OPA1: variants seen among roughly 807,000 people sequenced by gnomAD.
OPA1 encodes the protein dynamin-like GTPase OPA1, mitochondrial.
A neutral mutation model predicts 152.9 loss-of-function variants in OPA1; 59 were observed. The observed-to-expected ratio is 0.39, with a 90% CI of 0.31 to 0.48. OPA1 has a LOEUF of 0.48. Ranked by LOEUF, OPA1 falls within the 20% of genes least tolerant of loss-of-function variation. The pLI is 0.96. For missense variants in OPA1, 1,008 were observed against 1,216.8 expected (o/e 0.83, Z 2.55); for synonymous variants, 400 against 389.9 (o/e 1.03, Z -0.31).
chr3:193,602,164 A>G (rs1560309318), intron 1 of OPA1, among the ~76,000 whole-genome samples: 1 of 152,144 alleles, frequency 6.6e-6, no homozygotes, highest in Non-Finnish European at 1.5e-5. Flanking sequence ...CTGGGAAGAG[A>G]TTTCCCTGGT....
At chr3:193,628,248 G>T (rs1731486743) in intron 7 of OPA1, among the ~76,000 whole-genome samples, 1 of 151,858 alleles carries the variant, frequency 6.6e-6, no homozygotes, top group African/African-American at 2.4e-5. Context: ...CATTTTTGAT[G>T]TCTTATTAGT....
At chr3:193,613,367 A>T (rs1728541170) in intron 1 of OPA1, among the ~76,000 whole-genome samples, 1 of 152,194 alleles carries the variant, frequency 6.6e-6, no homozygotes, top group Non-Finnish European at 1.5e-5. Flanking sequence ...TTAAAAAAAA[A>T]ATTTGTAAAA....
intron 28 of OPA1, 25 bp from the exon 29 acceptor site, chr3:193,667,145 A>AG (rs1560046842): frequency 2.8e-6 from 3 of 1,068,358 alleles, no homozygotes; most frequent in Non-Finnish European, 2.9e-6. Flanking sequence ...GATGCTCCTC[A>AG]GGTTTTTTAA....
chr3:193,617,112 C>G, intron 3 of OPA1, 66 bp from the exon 4 acceptor site: 1 of 982,616 alleles, frequency 1.0e-6, no homozygotes. Context: ...TACTTTAGCC[C>G]TTTATAAGAA....
At chr3:193,607,857 G>A in intron 1 of OPA1, among the ~76,000 whole-genome samples, 1 of 152,140 alleles carries the variant, frequency 6.6e-6, no homozygotes, top group East Asian at 1.9e-4. Flanking sequence ...TGGGCAGTAT[G>A]GCCATTTTCA....
rs1732782708 is a variant in OPA1 at position 193,635,435 on chromosome 3, C to G, written c.861C>G (p.Ile287Met). 2 of 1,600,006 alleles carry G rather than the reference C, an allele frequency of 1.3e-6. No individual in the cohort carries two copies. Among genetic ancestry groups the G allele is most frequent in the African/African-American group, 2.7e-5 (2 of 74,626 alleles). Residue 287 changes from isoleucine to methionine, a missense_variant, in exon 9 of 31, where the codon ATC (isoleucine) becomes ATG (methionine). Physicochemically the swap from Ile to Met is conservative, Grantham distance 10 (BLOSUM62 1). Coordinates refer to ENST00000361510, the MANE Select transcript of OPA1 (RefSeq NM_130837.3). ...LLHTQLKYQR[I>M]LERLEKENKE... ...TATTGCAGTTGAAGTATCAGAGAAT[C>G]TTGGAACGATTAGAAAAGGAGAACA... is the stretch of plus-strand genomic sequence containing the variant.
rs1006901188 is a variant in OPA1, at chr3:193,645,426, T to C, written c.1609-127T>C. ...AATAGCAATGGAAAAACATTTTAAA[T>C]GCTTTTGTGCAGATTTATTTAACTA... On this transcript the variant is annotated intron_variant, in intron 16 of 30. Coordinates refer to ENST00000361510, the MANE Select transcript of OPA1 (RefSeq NM_130837.3). The C allele has an allele frequency of 1.5e-5, 10 of 653,804 alleles. No homozygotes were observed. In the South Asian group the frequency reaches 2.0e-4, roughly 13 times the overall value. The allele number at this position is 653,804 out of a possible 1,614,324, so 40.5% of individuals were successfully genotyped here. A position where few individuals can be genotyped will look rare whatever the true frequency, so the allele number is the denominator to read the frequency against.
chr3:193,658,151 A>G (rs1328395554), intron 23 of OPA1, among the ~76,000 whole-genome samples: 2 of 151,808 alleles, frequency 1.3e-5, no homozygotes, highest in Non-Finnish European at 2.9e-5. Context: ...AGGCTGAGGC[A>G]GGAGAATTGC....
At chr3:193,602,105 T>TG (rs1726553630) in intron 1 of OPA1, among the ~76,000 whole-genome samples, 1 of 152,210 alleles carries the variant, frequency 6.6e-6, no homozygotes, top group Non-Finnish European at 1.5e-5. Context: ...AGAGAAGTCT[T>TG]GATCTGTGAT....
intron 22 of OPA1, 145 bp from the exon 23 acceptor site, chr3:193,656,935 C>T: frequency 1.4e-6 from 1 of 722,324 alleles, no homozygotes; most frequent in Non-Finnish European, 2.2e-6. Context: ...TTATATTTGC[C>T]TTTTTGTTAA....
Position 193,696,533 on chromosome 3 carries a change from G to T in OPA1, c.*1933G>T, listed in dbSNP as rs1490660086. The T allele has an allele frequency of 6.6e-6, 1 of 151,734 alleles. No individual in the cohort carries two copies. Among genetic ancestry groups the T allele is most frequent in the African/African-American group, 2.4e-5 (1 of 41,282 alleles). The allele number at this position is 151,734 out of a possible 1,614,324, so 9.4% of individuals were successfully genotyped here. Reference sequence around the variant, plus strand: ...GGGTTTTTTTTTCTTCTTTTTAGCTGATCTCATCCTAAGCATGCTTTATTT... The same window carrying T: ...GGGTTTTTTTTTCTTCTTTTTAGCTTATCTCATCCTAAGCATGCTTTATTT... On this transcript the variant is annotated 3_prime_UTR_variant, in exon 31 of 31. Coordinates refer to ENST00000361510, the MANE Select transcript of OPA1 (RefSeq NM_130837.3).
chr3:193,692,346 G>T (rs948805677), intron 30 of OPA1, among the ~76,000 whole-genome samples: 3 of 152,128 alleles, frequency 2.0e-5, no homozygotes, highest in African/African-American at 4.8e-5. Flanking sequence ...ATATCCTCTA[G>T]AACTCATTTT....
At chr3:193,682,393 A>G (rs1021031942) in intron 29 of OPA1, among the ~76,000 whole-genome samples, 3 of 152,240 alleles carry the variant, frequency 2.0e-5, no homozygotes, top group African/African-American at 7.2e-5. Context: ...CAAGTTATCA[A>G]GAATATCTAA....
intron 1 of OPA1, among the ~76,000 whole-genome samples, chr3:193,609,836 C>T (rs1276079624): frequency 1.3e-5 from 2 of 152,232 alleles, no homozygotes; most frequent in Non-Finnish European, 1.5e-5. Flanking sequence ...GAATCGGCTA[C>T]TGAGGCTTGT....
intron 29 of OPA1, among the ~76,000 whole-genome samples, chr3:193,685,434 A>T (rs1720810696): frequency 6.6e-6 from 1 of 152,214 alleles, no homozygotes; most frequent in Non-Finnish European, 1.5e-5. Context: ...TATGGGGGTC[A>T]CAAAATAGCA....
At chr3:193,667,518 A>G (rs1236683044) in intron 29 of OPA1, 1 of 449,602 alleles carries the variant, frequency 2.2e-6, no homozygotes, top group Non-Finnish European at 4.3e-6. Flanking sequence ...AAAATACAAA[A>G]AACTTAGCCA....
intron 1 of OPA1, among the ~76,000 whole-genome samples, chr3:193,610,240 G>A (rs1247445956): frequency 2.6e-5 from 4 of 152,150 alleles, no homozygotes; most frequent in Non-Finnish European, 5.9e-5. Context: ...CTGTTTGTTA[G>A]TTTTCCTTCT....
intron 11 of OPA1, among the ~76,000 whole-genome samples, chr3:193,641,565 A>G (rs1034064723): frequency 2.6e-5 from 4 of 152,144 alleles, no homozygotes; most frequent in Non-Finnish European, 4.4e-5. Context: ...TGTCTACTCA[A>G]CCCAGTGAAA....
At position 193,645,558 on chromosome 3, in the gene OPA1, G is replaced by A. The variant is rs777921571; in HGVS notation, c.1614G>A (p.Gln538=). The A allele has an allele frequency of 6.2e-7, 1 of 1,611,294 alleles. No homozygotes were observed. The highest frequency in any genetic ancestry group is 1.1e-5 in the South Asian group (1 of 90,922). ...EKNVASPSRI[Q]QIIEGKLFPM... is the part of the protein sequence containing the mutation. ...TTTCCCACTTTTAAAAATAGATTCAGCAGATAATTGAAGGAAAGCTCTTCC... is the reference window on the plus strand; with the variant it reads ...TTTCCCACTTTTAAAAATAGATTCAACAGATAATTGAAGGAAAGCTCTTCC... Residue 538 remains glutamine, a synonymous_variant, in exon 17 of 31, where the codon CAG becomes CAA. Coordinates refer to ENST00000361510, the MANE Select transcript of OPA1 (RefSeq NM_130837.3).
Sources: allele counts gnomAD v4.1 joint callset (sites outside exome capture counted in the v4.1 genomes callset), GRCh38; gene constraint gnomAD v4.1.1; transcripts MANE v1.5; gene names NCBI Gene and HGNC (gene_info 2026-07-23, HGNC 2026-07-21).